Variants in TNS3 observed in about 807,000 individuals in gnomAD.
The protein encoded by TNS3 is tensin-3.
TNS3 carries 45 observed loss-of-function variants against 140.9 expected under a neutral mutation model. The observed-to-expected ratio is 0.32, with a 90% CI of 0.25 to 0.41. The LOEUF (loss-of-function observed/expected upper bound fraction) is 0.41, where lower values mean the gene tolerates loss of function less well. TNS3 is among the 10% of genes least tolerant of loss of function. The probability of loss-of-function intolerance (pLI) is 1.00; values close to 1 mark genes in which losing one functional copy is unlikely to be tolerated. For synonymous variants in TNS3, 815 were observed against 788.4 expected, an observed-to-expected ratio of 1.03 and a Z score of -0.56; for missense variants, 1,716 against 1,906.7, an observed-to-expected ratio of 0.90 and a Z score of 1.86.
chr7:47,545,165 C>A (rs1484570024), intron 1 of TNS3, among the ~76,000 whole-genome samples: 19 of 112,724 alleles, frequency 1.7e-4, no homozygotes, highest in South Asian at 8.7e-4. Flanking sequence ...TTTTTTGAGA[C>A]GGAGTCTCGC....
At chr7:47,393,633 G>A (rs1047593676) in intron 16 of TNS3, among the ~76,000 whole-genome samples, 11 of 152,160 alleles carry the variant, frequency 7.2e-5, no homozygotes, top group African/African-American at 2.4e-4. Context: ...ACCAGGCACT[G>A]GGAGGAGGCT....
At chr7:47,525,068 C>T (rs532644286) in intron 2 of TNS3, among the ~76,000 whole-genome samples, 1 of 152,300 alleles carries the variant, frequency 6.6e-6, no homozygotes, top group Non-Finnish European at 1.5e-5. Context: ...CAGTGCTACA[C>T]TGGGTTCCCT....
intron 4 of TNS3, chr7:47,470,571 T>A (rs1796909077): frequency 1.0e-6 from 1 of 985,294 alleles, no homozygotes; most frequent in Non-Finnish European, 1.2e-6. Flanking sequence ...CTTTGGTGCG[T>A]CCAGCCCTGA....
At chr7:47,544,260 G>A (rs1278725185) in intron 1 of TNS3, among the ~76,000 whole-genome samples, 1 of 150,666 alleles carries the variant, frequency 6.6e-6, no homozygotes, top group African/African-American at 2.4e-5. Context: ...GGTCGGGGGT[G>A]GGGGTGCCCA....
chr7:47,337,276 C>T (rs968263371), intron 20 of TNS3, among the ~76,000 whole-genome samples: 3 of 152,214 alleles, frequency 2.0e-5, no homozygotes, highest in Non-Finnish European at 2.9e-5. Flanking sequence ...TAAAATCTGT[C>T]CTTACAGCCT....
chr7:47,465,275 C>T (rs77469647), intron 4 of TNS3, among the ~76,000 whole-genome samples: 6 of 152,144 alleles, frequency 3.9e-5, no homozygotes, highest in East Asian at 1.9e-4. Flanking sequence ...CAGATGTCAA[C>T]GGCTCAATGC....
intron 9 of TNS3, among the ~76,000 whole-genome samples, chr7:47,426,942 T>C (rs565219678): frequency 6.6e-6 from 1 of 151,970 alleles, no homozygotes; most frequent in African/African-American, 2.4e-5. Context: ...CTGGCCAACA[T>C]GGTGAAACCC....
In TNS3 at chr7:47,346,194, A is replaced by G; in HGVS notation, c.2444T>C (p.Val815Ala). The change falls in exon 18 of 31, where the codon GTC (valine) becomes GCC (alanine). Residue 815 changes from valine to alanine, a missense_variant. Physicochemically the swap from Val to Ala is moderately conservative, Grantham distance 64 (BLOSUM62 0). Coordinates refer to ENST00000311160, the MANE Select transcript of TNS3 (RefSeq NM_022748.12). ...CCTGGCTGTGGCACATACCTCTTTG[A>G]CGTCCGCTGGTGAGGGGAATGGCGG... is the stretch of plus-strand genomic sequence containing the variant. ...NLPPFPSPAD[V>A]KETMTPGYPQ... 1 of 1,613,980 alleles carries G rather than the reference A, an allele frequency of 6.2e-7. No homozygotes were observed. Among genetic ancestry groups the G allele is most frequent in the Non-Finnish European group, 8.5e-7 (1 of 1,179,904 alleles).
intron 2 of TNS3, among the ~76,000 whole-genome samples, chr7:47,510,872 A>G (rs182906638): frequency 6.6e-6 from 1 of 151,748 alleles, no homozygotes; most frequent in East Asian, 1.9e-4. Flanking sequence ...AAAAAAAAAA[A>G]AAAAAAAAGA....
intron 4 of TNS3, among the ~76,000 whole-genome samples, chr7:47,444,620 A>G (rs1310944010): frequency 2.0e-5 from 3 of 152,076 alleles, no homozygotes; most frequent in Non-Finnish European, 4.4e-5. Context: ...GCTGTCCCTG[A>G]CGGAACCCAG....
At position 47,275,754 on chromosome 7, in the gene TNS3, T is replaced by C. The variant is rs1784844355; in HGVS notation, c.*2322A>G. 2.2e-6 allele frequency: 1 copy of C among 453,250 alleles called. No homozygotes were observed. Among genetic ancestry groups the C allele is most frequent in the Non-Finnish European group, 4.4e-6 (1 of 225,778 alleles). The allele number at this position is 453,250 out of a possible 1,614,324, so 28.1% of individuals were successfully genotyped here. On this transcript the variant is annotated 3_prime_UTR_variant, in exon 31 of 31. Coordinates refer to ENST00000311160, the MANE Select transcript of TNS3 (RefSeq NM_022748.12). The stretch of plus-strand genomic sequence containing the variant: ...TATCTGCTTGGAGCAAATTCCCCGA[T>C]GCCCTTGACCACGTTTACCTTGTGT...
chr7:47,377,430 G>A (rs953028863), intron 16 of TNS3, among the ~76,000 whole-genome samples: 2 of 152,184 alleles, frequency 1.3e-5, no homozygotes, highest in Admixed American at 6.5e-5. Context: ...AATGGGTGTG[G>A]TCGGGGCCAG....
intron 20 of TNS3, among the ~76,000 whole-genome samples, chr7:47,318,298 TGC>T (rs1443973008): frequency 2.0e-5 from 3 of 152,238 alleles, no homozygotes; most frequent in Non-Finnish European, 2.9e-5. Flanking sequence ...TTCCACTGCA[TGC>T]ATAGATCACA....
At chr7:47,289,660 C>T (rs1785593367) in intron 27 of TNS3, among the ~76,000 whole-genome samples, 1 of 152,158 alleles carries the variant, frequency 6.6e-6, no homozygotes, top group African/African-American at 2.4e-5. Flanking sequence ...TAGCACCTCC[C>T]AAAAACTACT....
intron 2 of TNS3, among the ~76,000 whole-genome samples, chr7:47,523,801 A>AAGC (rs1293603379): frequency 2.0e-5 from 3 of 152,204 alleles, no homozygotes; most frequent in African/African-American, 7.2e-5. Context: ...TCTCTGCAAA[A>AAGC]AGCAGCTGTG....
At chr7:47,459,225 G>A (rs1584707094) in intron 4 of TNS3, among the ~76,000 whole-genome samples, 1 of 152,158 alleles carries the variant, frequency 6.6e-6, no homozygotes, top group Non-Finnish European at 1.5e-5. Context: ...TGGCTGCCTC[G>A]GGATAAACAC....
chr7:47,482,340 C>A (rs370588213), intron 3 of TNS3, among the ~76,000 whole-genome samples: 1 of 152,166 alleles, frequency 6.6e-6, no homozygotes, highest in Non-Finnish European at 1.5e-5. Flanking sequence ...GACACATGGC[C>A]GTTCCTGTGT....
At chr7:47,522,947 ATTGT>A (rs1226299006) in intron 2 of TNS3, among the ~76,000 whole-genome samples, 1 of 144,754 alleles carries the variant, frequency 6.9e-6, no homozygotes, top group Non-Finnish European at 1.5e-5. Flanking sequence ...AAGAGTTTCT[ATTGT>A]TTATTAACAT....
At chr7:47,438,529 G>A (rs979924335) in intron 6 of TNS3, among the ~76,000 whole-genome samples, 1 of 152,196 alleles carries the variant, frequency 6.6e-6, no homozygotes, top group Non-Finnish European at 1.5e-5. Context: ...ACCATCAAAT[G>A]GGGCTTGGCC....
Sources: gnomAD v4.1 joint callset for allele counts (sites outside exome capture counted in the v4.1 genomes callset) on GRCh38, gnomAD v4.1.1 for gene constraint, MANE v1.5 for transcripts, NCBI Gene and HGNC (gene_info 2026-07-23, HGNC 2026-07-21) for gene names.